The following HDAC4 variants were observed in gnomAD, a reference collection of about 807,000 sequenced individuals.
HDAC4 encodes the protein histone deacetylase 4, also known as histone deacetylase A.
A neutral mutation model predicts 135.1 loss-of-function variants in HDAC4; 16 were observed. That is an observed-to-expected ratio of 0.12 (90% CI 0.08 to 0.18). The LOEUF is 0.18. Among genes scored for constraint, HDAC4 ranks in the 10% least tolerant of loss-of-function variants. The pLI, the probability that HDAC4 is intolerant of heterozygous loss-of-function variation, is 1.00. For synonymous variants in HDAC4, 685 were observed against 653.4 expected, an observed-to-expected ratio of 1.05 and a Z score of -0.74; for missense variants, 1,143 against 1,511.8, an observed-to-expected ratio of 0.76 and a Z score of 4.05.
At chr2:239,088,916 T>C (rs939371384) in intron 18 of HDAC4, among the ~76,000 whole-genome samples, 1 of 152,218 alleles carries the variant, frequency 6.6e-6, no homozygotes, top group African/African-American at 2.4e-5. Flanking sequence ...TGGGTCAGAA[T>C]ATGGAAGATC....
chr2:239,283,476 C>T (rs1360993899), intron 2 of HDAC4, among the ~76,000 whole-genome samples: 1 of 152,170 alleles, frequency 6.6e-6, no homozygotes, highest in Non-Finnish European at 1.5e-5. Context: ...CTGGCCACCG[C>T]GAGGGGCCTG....
At chr2:239,334,731 T>C (rs576381532) in intron 2 of HDAC4, among the ~76,000 whole-genome samples, 8 of 151,652 alleles carry the variant, frequency 5.3e-5, no homozygotes, top group Non-Finnish European at 8.8e-5. Context: ...GATTTTAAAA[T>C]TCATATGGAG....
At chr2:239,122,651 G>C (rs546844059) in intron 12 of HDAC4, among the ~76,000 whole-genome samples, 1 of 152,238 alleles carries the variant, frequency 6.6e-6, no homozygotes, top group Non-Finnish European at 1.5e-5. Context: ...ACCTGGTGGA[G>C]TTTTCTCAGC....
chr2:239,115,624 G>A lies in HDAC4; in HGVS notation c.1534-314C>T, dbSNP rs1382339950. Among the ~76,000 whole-genome samples, 6 of 152,108 alleles carry A rather than the reference G, an allele frequency of 3.9e-5. No homozygotes were observed. Among genetic ancestry groups the A allele is most frequent in the Admixed American group, 3.9e-4 (6 of 15,282 alleles). Reference sequence around the variant, plus strand: ...TCAGGCACCGAGAAACAGAAAAGAAGCTGCAGGTGTCAACAGAGTCTGCAG... The same window carrying A: ...TCAGGCACCGAGAAACAGAAAAGAAACTGCAGGTGTCAACAGAGTCTGCAG... On this transcript the variant is annotated intron_variant, in intron 12 of 26. Coordinates refer to ENST00000543185, the MANE Select transcript of HDAC4 (RefSeq NM_001378414.1). The surrounding 1 kb of genome is among the most constrained non-coding windows in gnomAD (Gnocchi z 6.3).
chr2:239,164,934 A>G (rs945400512), intron 5 of HDAC4, among the ~76,000 whole-genome samples: 2 of 152,164 alleles, frequency 1.3e-5, no homozygotes, highest in Non-Finnish European at 2.9e-5. Flanking sequence ...AAATATCCCT[A>G]CACATAGGCC....
chr2:239,319,740 G>A (rs184569359), intron 2 of HDAC4, among the ~76,000 whole-genome samples: 1 of 152,178 alleles, frequency 6.6e-6, no homozygotes, highest in East Asian at 1.9e-4. Context: ...ACCAGTCACC[G>A]ACAGCTACAG....
At chr2:239,081,984 T>C (rs564976538) in intron 21 of HDAC4, 118 bp downstream of exon 21, 9 of 1,080,208 alleles carry the variant, frequency 8.3e-6, no homozygotes, top group African/African-American at 6.2e-5. Context: ...TGGGCTTAAG[T>C]GAGCACGAAG....
chr2:239,302,676 G>A (rs1288385915), intron 2 of HDAC4, among the ~76,000 whole-genome samples: 1 of 152,210 alleles, frequency 6.6e-6, no homozygotes, highest in Non-Finnish European at 1.5e-5. Flanking sequence ...CCCAGTCCAA[G>A]AGCACAGCAC....
chr2:239,220,683 A>C (rs1451446224), intron 3 of HDAC4, among the ~76,000 whole-genome samples: 1 of 152,208 alleles, frequency 6.6e-6, no homozygotes, highest in African/African-American at 2.4e-5. Flanking sequence ...GATCAACCTT[A>C]GTCATTCAGC....
chr2:239,086,897 A>G (rs2036022403), intron 19 of HDAC4, among the ~76,000 whole-genome samples: 1 of 152,184 alleles, frequency 6.6e-6, no homozygotes, highest in Admixed American at 6.5e-5. Context: ...TAGAGCGGCT[A>G]CCGTCCCAGG....
chr2:239,096,165 C>T (rs2037008278), intron 16 of HDAC4, among the ~76,000 whole-genome samples: 1 of 152,136 alleles, frequency 6.6e-6, no homozygotes, highest in Non-Finnish European at 1.5e-5. Flanking sequence ...CTGCCTCTTG[C>T]CTGGAGGGCT....
At chr2:239,097,660 C>G (rs762450804) in intron 16 of HDAC4, among the ~76,000 whole-genome samples, 3 of 152,118 alleles carry the variant, frequency 2.0e-5, no homozygotes, top group Non-Finnish European at 4.4e-5. Context: ...TGGGCAGGAG[C>G]TGGCGGGATG....
At chr2:239,257,910 T>C (rs963058781) in intron 2 of HDAC4, among the ~76,000 whole-genome samples, 4 of 152,134 alleles carry the variant, frequency 2.6e-5, no homozygotes, top group African/African-American at 9.6e-5. Flanking sequence ...ATAATAGAAT[T>C]CTGAGAAAGA....
At chr2:239,130,848 G>A (rs1202412184) in intron 11 of HDAC4, among the ~76,000 whole-genome samples, 3 of 152,170 alleles carry the variant, frequency 2.0e-5, no homozygotes, top group East Asian at 1.9e-4. Context: ...TCAAAGTCCT[G>A]CTTCTCAGCC....
At chr2:239,159,211 TACTC>T (rs1295834231) in intron 6 of HDAC4, among the ~76,000 whole-genome samples, 3 of 140,238 alleles carry the variant, frequency 2.1e-5, no homozygotes, top group East Asian at 2.2e-4. Context: ...CACCTCACAT[TACTC>T]ACACCCACAT....
intron 3 of HDAC4, among the ~76,000 whole-genome samples, chr2:239,207,271 A>G (rs1039140244): frequency 6.6e-6 from 1 of 152,232 alleles, no homozygotes; most frequent in African/African-American, 2.4e-5. Context: ...TGGTAGCCTT[A>G]AATACTTATT....
intron 3 of HDAC4, among the ~76,000 whole-genome samples, chr2:239,210,324 A>G (rs533574231): frequency 6.6e-6 from 1 of 152,324 alleles, no homozygotes; most frequent in South Asian, 2.1e-4. Flanking sequence ...AAAACACAAA[A>G]AACAAAAACA....
chr2:239,345,286 A>T (rs1264715771), intron 2 of HDAC4, among the ~76,000 whole-genome samples: 1 of 152,172 alleles, frequency 6.6e-6, no homozygotes, highest in Non-Finnish European at 1.5e-5. Context: ...ACAATGGCTC[A>T]TACCTGTAAT....
chr2:239,070,012 G>A (rs2034008806), intron 22 of HDAC4, among the ~76,000 whole-genome samples: 1 of 130,448 alleles, frequency 7.7e-6, no homozygotes, highest in African/African-American at 3.0e-5. Flanking sequence ...TCTCTGTCCT[G>A]GTCCTCCCTG....
Sources: allele counts gnomAD v4.1 joint callset (sites outside exome capture counted in the v4.1 genomes callset), GRCh38; gene constraint gnomAD v4.1.1; non-coding constraint Gnocchi (gnomAD v3.1); transcripts MANE v1.5; gene names NCBI Gene and HGNC (gene_info 2026-07-23, HGNC 2026-07-21).